Variants in MAML2 observed in about 807,000 individuals in gnomAD.
The protein encoded by MAML2 is mastermind like transcriptional coactivator 2, also known as mastermind-like protein 2.
Under a neutral mutation model 96.1 loss-of-function variants are expected in MAML2, and 22 were observed. The observed-to-expected ratio is 0.23, with a 90% CI of 0.16 to 0.33. The LOEUF is 0.33. Among genes scored for constraint, MAML2 ranks in the 10% least tolerant of loss-of-function variants. The probability of loss-of-function intolerance (pLI) is 1.00; values close to 1 mark genes in which losing one functional copy is unlikely to be tolerated. For synonymous variants in MAML2, 561 were observed against 521.3 expected (o/e 1.08, Z -1.04); for missense variants, 1,367 against 1,392.4 (o/e 0.98, Z 0.29).
chr11:96,015,065 C>T (rs888391639), intron 2 of MAML2, among the ~76,000 whole-genome samples: 1 of 152,118 alleles, frequency 6.6e-6, no homozygotes, highest in Admixed American at 6.5e-5. Flanking sequence ...TTTGGAGAAG[C>T]TAAATACTTC....
chr11:96,087,332 G>A (rs1859633494), intron 2 of MAML2, among the ~76,000 whole-genome samples: 1 of 152,162 alleles, frequency 6.6e-6, no homozygotes, highest in Non-Finnish European at 1.5e-5. Flanking sequence ...TAGTTTCACG[G>A]AGTATTAAAG....
chr11:96,187,179 A>G lies in MAML2; in HGVS notation c.514-93662T>C, dbSNP rs566882827. On this transcript the variant is annotated intron_variant, in intron 1 of 4. Transcript: ENST00000524717. ...ACATTCATTTGGATACTTTCTCCCC[A>G]TCTTTTTTAGAAGCTAAGTGTGATA... Among the ~76,000 whole-genome samples the G allele has an allele frequency of 5.5e-3, 843 of 152,252 alleles. 1 individual carries two copies. Among genetic ancestry groups the G allele is most frequent in the Non-Finnish European group, 9.8e-3 (667 of 68,016 alleles).
At chr11:96,226,058 C>G (rs564194015) in intron 1 of MAML2, among the ~76,000 whole-genome samples, 1 of 152,306 alleles carries the variant, frequency 6.6e-6, no homozygotes, top group South Asian at 2.1e-4. Flanking sequence ...CAGCCAATCA[C>G]TATGCTACAT....
At chr11:96,089,405 T>C (rs993193068) in intron 2 of MAML2, among the ~76,000 whole-genome samples, 2 of 152,168 alleles carry the variant, frequency 1.3e-5, no homozygotes, top group Non-Finnish European at 2.9e-5. Flanking sequence ...ACACTTGCAA[T>C]GCAGCCTTGT....
intron 2 of MAML2, among the ~76,000 whole-genome samples, chr11:96,054,042 A>AT (rs2135770701): frequency 6.6e-6 from 1 of 152,294 alleles, no homozygotes; most frequent in East Asian, 1.9e-4. Context: ...AAAATGAACA[A>AT]TCTTACTTAC....
At chr11:96,248,113 CT>C (rs35775102) in intron 1 of MAML2, among the ~76,000 whole-genome samples, 1,475 of 132,172 alleles carry the variant, frequency 0.011, 16 homozygotes, top group African/African-American at 0.034. Context: ...TGTTTTTTTA[CT>C]TTTTTTTTTT....
chr11:96,035,853 C>T (rs981512460), intron 2 of MAML2, among the ~76,000 whole-genome samples: 1 of 152,128 alleles, frequency 6.6e-6, no homozygotes, highest in African/African-American at 2.4e-5. Context: ...GGCCTCCATT[C>T]GAGTCCTAGC....
intron 1 of MAML2, among the ~76,000 whole-genome samples, chr11:96,299,142 A>G (rs937123743): frequency 1.3e-5 from 2 of 148,348 alleles, no homozygotes; most frequent in Non-Finnish European, 1.5e-5. Context: ...TGATTTTTAC[A>G]GAAGAGGGAA....
chr11:96,111,334 C>T (rs547319041), intron 1 of MAML2, among the ~76,000 whole-genome samples: 1 of 152,152 alleles, frequency 6.6e-6, no homozygotes, highest in South Asian at 2.1e-4. Context: ...TTGACCTGTA[C>T]CTATTCCTAG....
chr11:96,311,336 T>C (rs1416275136), intron 1 of MAML2, among the ~76,000 whole-genome samples: 1 of 152,244 alleles, frequency 6.6e-6, no homozygotes, highest in Non-Finnish European at 1.5e-5. Flanking sequence ...AGTTCTTTTG[T>C]ATAAGCCATT....
chr11:96,071,643 A>C (rs140566007), intron 2 of MAML2, among the ~76,000 whole-genome samples: 105 of 152,334 alleles, frequency 6.9e-4, no homozygotes, highest in Non-Finnish European at 1.2e-3. Context: ...ACCTGTGAGA[A>C]TCTGGTCTTG....
At position 96,025,440 on chromosome 11, in the gene MAML2, G is replaced by C. The variant is rs77533073; in HGVS notation, c.2140-33717C>G. Among the ~76,000 whole-genome samples, 1,422 of 152,200 alleles carry C rather than the reference G, an allele frequency of 9.3e-3. 23 individuals carry two copies. The highest frequency in any genetic ancestry group is 0.028 in the African/African-American group (1,149 of 41,512). ...ACAAGCACTGAAACACTACCTATTG[G>C]ATACCATGCTCACTACTCGAGTGAC... On this transcript the variant is annotated intron_variant, in intron 2 of 4. Coordinates refer to ENST00000524717, the MANE Select transcript of MAML2 (RefSeq NM_032427.4).
At chr11:96,190,557 G>C (rs1219579474) in intron 1 of MAML2, among the ~76,000 whole-genome samples, 1 of 152,184 alleles carries the variant, frequency 6.6e-6, no homozygotes, top group East Asian at 1.9e-4. Flanking sequence ...TGATGACTTA[G>C]TGAAATTTAT....
intron 1 of MAML2, among the ~76,000 whole-genome samples, chr11:96,100,408 C>A (rs958107364): frequency 6.6e-6 from 1 of 150,738 alleles, no homozygotes; most frequent in Non-Finnish European, 1.5e-5. Flanking sequence ...CTCCCAGGTT[C>A]ATGTGATTCT....
intron 1 of MAML2, among the ~76,000 whole-genome samples, chr11:96,312,565 AC>A (rs548213572): frequency 1.1e-4 from 16 of 152,364 alleles, no homozygotes; most frequent in African/African-American, 3.6e-4. Flanking sequence ...GCAAATTTGA[AC>A]AATAGTTGTT....
In MAML2 at chr11:95,976,868, G is replaced by T. The variant is rs1857659231; in HGVS notation, c.*2080C>A. ...ACATCATTTTTTTTCTTTTTGTATGGAGAAATGCTGCCTTATAAAATCGGA... is the reference window on the plus strand; with the variant it reads ...ACATCATTTTTTTTCTTTTTGTATGTAGAAATGCTGCCTTATAAAATCGGA... On this transcript the variant is annotated 3_prime_UTR_variant, in exon 5 of 5. Coordinates refer to ENST00000524717, the MANE Select transcript of MAML2 (RefSeq NM_032427.4). 1 of 187,396 alleles carries T rather than the reference G, an allele frequency of 5.3e-6. No individual in the cohort carries two copies. The highest frequency in any genetic ancestry group is 1.1e-5 in the Non-Finnish European group (1 of 88,954). The allele number at this position is 187,396 out of a possible 1,614,324, so 11.6% of individuals were successfully genotyped here. A position where few individuals can be genotyped will look rare whatever the true frequency, so the allele number is the denominator to read the frequency against.
chr11:96,145,485 T>A (rs937886260), intron 1 of MAML2, among the ~76,000 whole-genome samples: 2 of 152,220 alleles, frequency 1.3e-5, no homozygotes, highest in African/African-American at 4.8e-5. Flanking sequence ...CCTTGTGAAT[T>A]TTTAGGGAAA....
At chr11:96,122,529 T>TGTGTGC (rs55861097) in intron 1 of MAML2, among the ~76,000 whole-genome samples, 2 of 142,188 alleles carry the variant, frequency 1.4e-5, no homozygotes, top group Non-Finnish European at 3.1e-5. Context: ...TGTGTGTGTG[T>TGTGTGC]GCACGTGCAC....
intron 1 of MAML2, among the ~76,000 whole-genome samples, chr11:96,296,501 G>T (rs1275675145): frequency 6.6e-6 from 1 of 152,084 alleles, no homozygotes; most frequent in Non-Finnish European, 1.5e-5. Flanking sequence ...AAATTAGCTG[G>T]GTGTGGTGGT....
Sources: allele counts gnomAD v4.1 joint callset (sites outside exome capture counted in the v4.1 genomes callset), GRCh38; gene constraint gnomAD v4.1.1; transcripts MANE v1.5; gene names NCBI Gene and HGNC (gene_info 2026-07-23, HGNC 2026-07-21).